Variants in HYDIN observed in about 807,000 individuals in gnomAD.
The protein encoded by HYDIN is axonemal central pair apparatus protein HYDIN.
Under a neutral mutation model 403.9 loss-of-function variants are expected in HYDIN, and 132 were observed. The ratio of observed to expected loss-of-function variants is 0.33; its 90% CI spans 0.28 to 0.38. The LOEUF is 0.38. Ranked by LOEUF, HYDIN falls within the 10% of genes least tolerant of loss-of-function variation. The pLI is 1.00. For synonymous variants in HYDIN, 1,202 were observed against 1,891.7 expected (o/e 0.64, Z 9.46); for missense variants, 2,827 against 5,009.5 (o/e 0.56, Z 13.15).
intron 73 of HYDIN, chr16:70,852,860 CATCT>C (rs1374813086): frequency 1.3e-5 from 2 of 152,242 alleles, no homozygotes; most frequent in East Asian, 1.9e-4. Context: ...TATCCTTACA[CATCT>C]ATCAGAAAAG....
At chr16:70,944,224 A>G (rs114054375) in intron 41 of HYDIN, among the ~76,000 whole-genome samples, 5,635 of 152,004 alleles carry the variant, frequency 0.037, no homozygotes, top group African/African-American at 0.087. Flanking sequence ...CCTATCTTGC[A>G]CCAGGCATGC....
At chr16:71,031,438 C>A in intron 19 of HYDIN, 1 of 1,339,410 alleles carries the variant, frequency 7.5e-7, no homozygotes, top group Non-Finnish European at 9.6e-7. Context: ...GCATTTCCTA[C>A]AAACCATATT....
At chr16:71,221,985 T>C (rs181517126) in intron 1 of HYDIN, among the ~76,000 whole-genome samples, 1 of 152,366 alleles carries the variant, frequency 6.6e-6, no homozygotes, top group East Asian at 1.9e-4. Context: ...CTGTAACTAA[T>C]CTGGCTATTT....
intron 10 of HYDIN, among the ~76,000 whole-genome samples, chr16:71,102,556 T>C (rs1431587218): frequency 6.6e-6 from 1 of 151,422 alleles, no homozygotes; most frequent in Non-Finnish European, 1.5e-5. Context: ...ATGATATGAA[T>C]GTATGCATGT....
intron 1 of HYDIN, among the ~76,000 whole-genome samples, chr16:71,224,558 T>C (rs918751007): frequency 6.9e-6 from 1 of 144,044 alleles, no homozygotes; most frequent in African/African-American, 2.5e-5. Context: ...CTAAGGTTTT[T>C]CTTTTTTTTT....
At chr16:70,941,876 T>C (rs895451397) in intron 42 of HYDIN, 57 bp from the exon 43 acceptor site, 1 of 1,265,658 alleles carries the variant, frequency 7.9e-7, no homozygotes, top group African/African-American at 1.5e-5. Context: ...TTGTTCTGTT[T>C]ATGCTTTTAC....
chr16:71,112,788 G>A lies in HYDIN; in HGVS notation c.1327+2908C>T, dbSNP rs1473635626. On this transcript the variant is annotated intron_variant, in intron 10 of 85. Coordinates refer to ENST00000393567, the MANE Select transcript of HYDIN (RefSeq NM_001270974.2). ...TAGCTCACAGAGGTTAGAGGGAGAA[G>A]GCTAGTGGACTAGTCGGGGATAACC... Among the ~76,000 whole-genome samples the A allele has an allele frequency of 5.9e-5, 9 of 152,150 alleles. 1 individual carries two copies.
Position 70,868,658 on chromosome 16 carries a change from T to C in HYDIN, c.11222A>G (p.Gln3741Arg), listed in dbSNP as rs775486608. ...CATGCGGTCATCCCAGTCGGGGACC[T>C]GGTCTGCAGGGAGCTGAAACATAAT... The part of the protein sequence containing the change: ...SRIMFQLPAD[Q>R]VPDWDDRMHT... The change falls in exon 66 of 86, where the codon CAG (glutamine) becomes CGG (arginine). Residue 3741 changes from glutamine (Q) to arginine (R), a missense_variant. Coordinates refer to ENST00000393567, the MANE Select transcript of HYDIN (RefSeq NM_001270974.2). 2.8e-5 allele frequency: 46 copies of C among 1,614,212 alleles called. No individual in the cohort carries two copies. The highest frequency in any genetic ancestry group is 3.9e-5 in the Non-Finnish European group (46 of 1,180,042).
intron 73 of HYDIN, among the ~76,000 whole-genome samples, chr16:70,853,606 T>C (rs2038812693): frequency 6.9e-6 from 1 of 144,790 alleles, no homozygotes; most frequent in African/African-American, 2.9e-5. Flanking sequence ...ACAAAAGCAA[T>C]GTATGTGTCT....
At chr16:71,060,358 G>T in intron 18 of HYDIN, 146 bp downstream of exon 18, 1 of 694,294 alleles carries the variant, frequency 1.4e-6, no homozygotes, top group Non-Finnish European at 2.5e-6. Flanking sequence ...TAATAAAGAA[G>T]AACTGGGGAT....
At chr16:71,165,446 C>T (rs1567397291) in intron 5 of HYDIN, among the ~76,000 whole-genome samples, 1 of 151,350 alleles carries the variant, frequency 6.6e-6, no homozygotes, top group Non-Finnish European at 1.5e-5. Context: ...CACTCCCTTA[C>T]CTTCTGTCCA....
rs553742289 is a variant in HYDIN at position 71,023,389 on chromosome 16, G to A, written c.3186+1994C>T. ...GCAGAACGTGCAGGTTTGTTATATG[G>A]GTGTACATGTGCCATGGTGGTTTGC... On this transcript the variant is annotated intron_variant, in intron 21 of 85. Coordinates refer to ENST00000393567, the MANE Select transcript of HYDIN (RefSeq NM_001270974.2). Among the ~76,000 whole-genome samples the A allele has an allele frequency of 2.6e-5, 4 of 152,150 alleles. No individual in the cohort carries two copies. The East Asian group carries it at 5.8e-4, about 22-fold the overall frequency.
chr16:70,913,329 T>C lies in HYDIN; in HGVS notation c.8005-4468A>G, dbSNP rs1413978036. ...GCTGTATCCCAGAGGTTTTGATAGG[T>C]TGTGTCATTCAGTTCTATGAAGTTT... On this transcript the variant is annotated intron_variant, in intron 47 of 85. Transcript: ENST00000393567. Among the ~76,000 whole-genome samples the C allele has an allele frequency of 2.6e-5, 4 of 152,290 alleles. No individual in the cohort carries two copies. In the South Asian group the frequency reaches 6.2e-4, roughly 24 times the overall value.
At chr16:70,835,099 A>G (rs1306333711) in intron 78 of HYDIN, among the ~76,000 whole-genome samples, 4 of 150,714 alleles carry the variant, frequency 2.7e-5, no homozygotes, top group Non-Finnish European at 5.9e-5. Flanking sequence ...CTGGGTTCAA[A>G]CAATTCTCTG....
At chr16:71,212,506 T>A (rs1448547586) in intron 1 of HYDIN, among the ~76,000 whole-genome samples, 1 of 152,088 alleles carries the variant, frequency 6.6e-6, no homozygotes, top group Non-Finnish European at 1.5e-5. Context: ...GTATAGAAGA[T>A]TTGAAAAGGA....
intron 41 of HYDIN, among the ~76,000 whole-genome samples, chr16:70,946,408 AG>A (rs1247366240): frequency 6.6e-6 from 1 of 151,112 alleles, no homozygotes; most frequent in Admixed American, 6.6e-5. Context: ...GCCAGACCAA[AG>A]GGCCCATTGG....
chr16:71,011,323 G>C (rs990202894), intron 23 of HYDIN, among the ~76,000 whole-genome samples: 1 of 152,186 alleles, frequency 6.6e-6, no homozygotes, highest in African/African-American at 2.4e-5. Flanking sequence ...CACATGGCTA[G>C]GAGGAGCACA....
In HYDIN at chr16:70,920,942, T is replaced by C. The variant is rs750999710; in HGVS notation, c.7434A>G (p.Gln2478=). The C allele has an allele frequency of 1.9e-6, 3 of 1,613,016 alleles. No individual in the cohort carries two copies. Among genetic ancestry groups the C allele is most frequent in the East Asian group, 2.2e-5 (1 of 44,848 alleles). Residue 2478 remains glutamine (Q), a synonymous_variant, in exon 46 of 86, where the codon CAA becomes CAG. Coordinates refer to ENST00000393567, the MANE Select transcript of HYDIN (RefSeq NM_001270974.2). The part of the protein sequence containing the change: ...QNILMYWDRK[Q]GVQLPPAGME... ...TCCCTGCAGGAGGCAGCTGGACTCCTTGCTTCCGGTCCCAGTACATGAGGA... is the reference window on the plus strand; with the variant it reads ...TCCCTGCAGGAGGCAGCTGGACTCCCTGCTTCCGGTCCCAGTACATGAGGA...
At chr16:70,916,589 G>C (rs917207158) in intron 47 of HYDIN, among the ~76,000 whole-genome samples, 1 of 152,104 alleles carries the variant, frequency 6.6e-6, no homozygotes, top group Non-Finnish European at 1.5e-5. Flanking sequence ...AGTTGTTCTG[G>C]AGCTAAAATT....
Sources: allele counts gnomAD v4.1 joint callset (sites outside exome capture counted in the v4.1 genomes callset), GRCh38; gene constraint gnomAD v4.1.1; transcripts MANE v1.5; gene names NCBI Gene and HGNC (gene_info 2026-07-23, HGNC 2026-07-21).